Variants in AARS1 observed in about 807,000 individuals in gnomAD.
AARS1 encodes alanine--tRNA ligase, cytoplasmic.
A neutral mutation model predicts 108.9 loss-of-function variants in AARS1; 72 were observed. That is an observed-to-expected ratio of 0.66 (90% CI 0.55 to 0.80). The LOEUF (loss-of-function observed/expected upper bound fraction) is 0.80. Among genes scored for constraint, AARS1 ranks in the 30% least tolerant of loss-of-function variants. The probability of loss-of-function intolerance (pLI) is 0.00; values close to 1 mark genes in which losing one functional copy is unlikely to be tolerated. For missense variants in AARS1, 1,193 were observed against 1,233.2 expected (o/e 0.97, Z 0.49); for synonymous variants, 489 against 465.7 (o/e 1.05, Z -0.64).
At position 70,284,252 on chromosome 16, in the gene AARS1, G is replaced by A. The variant is rs551781234; in HGVS notation, c.-21-1468C>T. On this transcript the variant is annotated intron_variant, in intron 1 of 20. Transcript: ENST00000261772. ...ACCCAGGAGGTGGAGGTTGCAGTCA[G>A]CCGAGATCGCGCCACTGCACTCCAG... Among the ~76,000 whole-genome samples, 213 of 151,008 alleles carry A rather than the reference G, an allele frequency of 1.4e-3. 1 individual carries two copies. Among genetic ancestry groups the A allele is most frequent in the South Asian group, 0.01 (48 of 4,778 alleles).
At chr16:70,263,115 T>C (rs1960183981) in intron 11 of AARS1, among the ~76,000 whole-genome samples, 1 of 151,758 alleles carries the variant, frequency 6.6e-6, no homozygotes, top group Admixed American at 6.6e-5. Flanking sequence ...CAGGCTTCAG[T>C]GTTAAAACTG....
At chr16:70,254,856 A>C in intron 16 of AARS1, 122 bp from the exon 17 acceptor site, 5 of 687,050 alleles carry the variant, frequency 7.3e-6, no homozygotes, top group African/African-American at 1.8e-5. Context: ...AACACCCCAA[A>C]AGTGTCTGTG....
intron 13 of AARS1, among the ~76,000 whole-genome samples, chr16:70,259,541 G>A (rs1385227501): frequency 2.6e-5 from 4 of 152,016 alleles, no homozygotes; most frequent in African/African-American, 7.2e-5. Context: ...AGAGTACAGC[G>A]GCGCGATTGT....
At chr16:70,265,474 C>A in intron 10 of AARS1, 64 bp downstream of exon 10, 1 of 1,610,626 alleles carries the variant, frequency 6.2e-7, no homozygotes. Flanking sequence ...CATGCTCAGT[C>A]TGCAGCCAAG....
chr16:70,275,392 G>C (rs903360864), intron 4 of AARS1, among the ~76,000 whole-genome samples: 2 of 151,984 alleles, frequency 1.3e-5, no homozygotes, highest in Non-Finnish European at 2.9e-5. Flanking sequence ...ACGGCGGGCA[G>C]ATCACGAGGT....
intron 1 of AARS1, among the ~76,000 whole-genome samples, chr16:70,288,621 C>A (rs2152174274): frequency 7.0e-6 from 1 of 142,690 alleles, no homozygotes; most frequent in African/African-American, 2.6e-5. Context: ...GGCTGGAGTG[C>A]AATGGTGTGA....
At chr16:70,269,976 CATT>C (rs1351040152) in intron 6 of AARS1, among the ~76,000 whole-genome samples, 2 of 152,030 alleles carry the variant, frequency 1.3e-5, no homozygotes, top group African/African-American at 4.8e-5. Context: ...TAGAGCCTCA[CATT>C]ATTATTTTTT....
intron 1 of AARS1, among the ~76,000 whole-genome samples, chr16:70,287,811 T>C (rs1440400258): frequency 6.6e-6 from 1 of 152,186 alleles, no homozygotes; most frequent in Non-Finnish European, 1.5e-5. Context: ...TAGCCCAGGC[T>C]GGAGTGCAAT....
At chr16:70,254,759 C>A in intron 16 of AARS1, 25 bp from the exon 17 acceptor site, 1 of 1,508,600 alleles carries the variant, frequency 6.6e-7, no homozygotes, top group South Asian at 1.1e-5. Flanking sequence ...CGGGTCAACC[C>A]CAAGCAGGAG....
Position 70,254,047 on chromosome 16 carries a change from AATAGACGACCATC to A in AARS1, c.2401-22_2401-10del. On this transcript the variant is annotated splice_polypyrimidine_tract_variant and intron_variant, in intron 17 of 20. Transcript: ENST00000261772. The stretch of plus-strand genomic sequence containing the variant: ...ACTGCAGTGGCCAGGGCCTGGAACC[AATAGACGACCATC>A]TCAATCTGGGCCACAACTTGCTGGG... The A allele has an allele frequency of 6.2e-7, 1 of 1,613,846 alleles. No individual in the cohort carries two copies. The highest frequency in any genetic ancestry group is 8.5e-7 in the Non-Finnish European group (1 of 1,180,022).
At chr16:70,269,481 G>A (rs1337713888) in intron 7 of AARS1, 137 bp downstream of exon 7, 3 of 1,297,544 alleles carry the variant, frequency 2.3e-6, no homozygotes, top group Non-Finnish European at 3.2e-6. Flanking sequence ...TTGCAGTGAG[G>A]CAAGATCACG....
At chr16:70,279,644 G>A (rs1960643240) in intron 2 of AARS1, among the ~76,000 whole-genome samples, 1 of 117,812 alleles carries the variant, frequency 8.5e-6, no homozygotes, top group African/African-American at 3.3e-5. Context: ...TGGGCAACAA[G>A]AGCAAAACTC....
At chr16:70,274,064 G>A (rs964943666) in intron 4 of AARS1, among the ~76,000 whole-genome samples, 3 of 150,528 alleles carry the variant, frequency 2.0e-5, no homozygotes, top group South Asian at 4.2e-4. Context: ...AGCTTGGTGT[G>A]GTGGCTCATG....
intron 1 of AARS1, among the ~76,000 whole-genome samples, chr16:70,284,127 CT>C (rs1431538221): frequency 6.6e-6 from 1 of 152,008 alleles, no homozygotes; most frequent in Admixed American, 6.6e-5. Flanking sequence ...TGGTGAAACT[CT>C]GTCTCTACTA....
At position 70,253,395 on chromosome 16, in the gene AARS1, C is replaced by T. The variant is rs1959894512; in HGVS notation, c.2608-14G>A. ...TTCATTCAGGGCCTGTGGGGAGGAC[C>T]TGGCTCAGGCCACGGTGCTGGAGCA... is the stretch of plus-strand genomic sequence containing the variant. On this transcript the variant is annotated splice_polypyrimidine_tract_variant and intron_variant, in intron 19 of 20. Coordinates refer to ENST00000261772, the MANE Select transcript of AARS1 (RefSeq NM_001605.3). 1.0e-5 allele frequency: 16 copies of T among 1,598,804 alleles called. No homozygotes were observed. The highest frequency in any genetic ancestry group is 1.4e-5 in the Non-Finnish European group (16 of 1,166,290).
chr16:70,270,936 G>A (rs1168089886), intron 5 of AARS1, among the ~76,000 whole-genome samples: 2 of 151,300 alleles, frequency 1.3e-5, no homozygotes, highest in Non-Finnish European at 1.5e-5. Flanking sequence ...ATCACTTGAG[G>A]TCAGGAGTTC....
At chr16:70,275,479 T>C (rs1031900199) in intron 4 of AARS1, among the ~76,000 whole-genome samples, 3 of 149,428 alleles carry the variant, frequency 2.0e-5, no homozygotes, top group East Asian at 2.0e-4. Flanking sequence ...AAAAAAACAA[T>C]TGGCCGGGCA....
At chr16:70,279,350 CAAAAAAAAA>C (rs57438636) in intron 2 of AARS1, among the ~76,000 whole-genome samples, 85 of 37,806 alleles carry the variant, frequency 2.2e-3, no homozygotes, top group African/African-American at 8.9e-3. Context: ...AACTTCATCT[CAAAAAAAAA>C]AAAAAAAAAA....
chr16:70,254,924 T>C (rs796342767), intron 16 of AARS1, among the ~76,000 whole-genome samples, 190 bp from the exon 17 acceptor site: 2 of 152,226 alleles, frequency 1.3e-5, no homozygotes, highest in African/African-American at 2.4e-5. Flanking sequence ...CACAGGCCCA[T>C]TGGCAAAGGC....
Sources: allele counts gnomAD v4.1 joint callset (sites outside exome capture counted in the v4.1 genomes callset), GRCh38; gene constraint gnomAD v4.1.1; transcripts MANE v1.5; gene names NCBI Gene and HGNC (gene_info 2026-07-23, HGNC 2026-07-21).